ARSG: variants seen among roughly 807,000 people sequenced by gnomAD.
The protein encoded by ARSG is arylsulfatase G.
ARSG carries 37 observed loss-of-function variants against 50.5 expected under a neutral mutation model. That is an observed-to-expected ratio of 0.73 (90% CI 0.56 to 0.96). The LOEUF (loss-of-function observed/expected upper bound fraction) is 0.96. Ranked by LOEUF, ARSG falls within the 50% of genes least tolerant of loss-of-function variation. ARSG has a pLI of 0.00. For missense variants in ARSG, 629 were observed against 675.3 expected, an observed-to-expected ratio of 0.93 and a Z score of 0.76; for synonymous variants, 225 against 254.6, an observed-to-expected ratio of 0.88 and a Z score of 1.11.
At chr17:68,296,031 C>G (rs2076194559) in intron 1 of ARSG, among the ~76,000 whole-genome samples, 1 of 152,086 alleles carries the variant, frequency 6.6e-6, no homozygotes, top group Non-Finnish European at 1.5e-5. Flanking sequence ...GCTGTCACAC[C>G]ACTGCACTTC....
chr17:68,374,938 T>C (rs912413358), intron 8 of ARSG, among the ~76,000 whole-genome samples: 3 of 152,118 alleles, frequency 2.0e-5, no homozygotes, highest in Non-Finnish European at 4.4e-5. Flanking sequence ...TTTCCTTCCT[T>C]CCTCCTGTAA....
rs543363989 is a variant in ARSG at position 68,284,485 on chromosome 17, C to T, written c.-551-22458C>T. On this transcript the variant is annotated intron_variant, in intron 1 of 11. Transcript: ENST00000448504. ...CAGGTGAATTTTCAGGGTCAGGGTG[C>T]ATTATATCCTTTATATCCTTTTCCT... 1.0e-3 allele frequency among the ~76,000 whole-genome samples: 158 copies of T among 152,216 alleles called. 1 individual carries two copies. The highest frequency in any genetic ancestry group is 3.7e-3 in the African/African-American group (153 of 41,534).
At position 68,343,667 on chromosome 17, in the gene ARSG, C is replaced by G; in HGVS notation, c.282C>G (p.Gly94=). The G allele has an allele frequency of 6.2e-7, 1 of 1,614,092 alleles. No homozygotes were observed. The highest frequency in any genetic ancestry group is 2.2e-5 in the East Asian group (1 of 44,884). The change falls in exon 3 of 12, where the codon GGC becomes GGG. Residue 94 remains glycine, a synonymous_variant. Coordinates refer to ENST00000621439, the MANE Select transcript of ARSG (RefSeq NM_001267727.2). ...CSPSRASLLT[G]RLGLRNGVTR... ...CCTCCCGGGCTTCCTTGCTCACCGGCCGGCTTGGCCTTCGCAATGGAGTCA... is the reference window on the plus strand; with the variant it reads ...CCTCCCGGGCTTCCTTGCTCACCGGGCGGCTTGGCCTTCGCAATGGAGTCA...
intron 1 of ARSG, among the ~76,000 whole-genome samples, chr17:68,285,014 A>C (rs961066450): frequency 2.0e-5 from 3 of 152,222 alleles, no homozygotes; most frequent in Admixed American, 6.5e-5. Context: ...CCTCGCTTTC[A>C]CTATAGGGGC....
chr17:68,261,131 C>A (rs2075066166), intron 1 of ARSG, among the ~76,000 whole-genome samples: 1 of 152,180 alleles, frequency 6.6e-6, no homozygotes, highest in Non-Finnish European at 1.5e-5. Context: ...TTCGTAGCAG[C>A]ACAGACTCTC....
chr17:68,311,827 G>A (rs1399090047), intron 2 of ARSG, among the ~76,000 whole-genome samples: 1 of 140,530 alleles, frequency 7.1e-6, no homozygotes, highest in African/African-American at 2.6e-5. Context: ...TTTTGACGGA[G>A]TCTTGCTCTG....
intron 1 of ARSG, among the ~76,000 whole-genome samples, chr17:68,284,103 C>CAAAAA (rs1189737736): frequency 1.8e-5 from 1 of 56,518 alleles, no homozygotes; most frequent in African/African-American, 6.4e-5. Context: ...GACTCTGTCT[C>CAAAAA]AAAAAAAAAA....
chr17:68,354,230 G>A (rs538773744), intron 5 of ARSG, among the ~76,000 whole-genome samples: 1 of 151,220 alleles, frequency 6.6e-6, no homozygotes, highest in Non-Finnish European at 1.5e-5. Flanking sequence ...AGATCAGCTT[G>A]GTCAACACAA....
intron 1 of ARSG, among the ~76,000 whole-genome samples, chr17:68,292,859 G>T (rs1599589675): frequency 6.6e-6 from 1 of 152,318 alleles, no homozygotes; most frequent in Admixed American, 6.5e-5. Flanking sequence ...CCGCTGAGCA[G>T]CTTTGCAACC....
intron 1 of ARSG, among the ~76,000 whole-genome samples, chr17:68,301,809 T>C (rs2076427847): frequency 6.6e-6 from 1 of 152,048 alleles, no homozygotes; most frequent in Non-Finnish European, 1.5e-5. Context: ...GACCTCAGCC[T>C]TTCCCAGTTT....
chr17:68,384,324 C>T (rs1292232625), intron 8 of ARSG, among the ~76,000 whole-genome samples: 1 of 152,154 alleles, frequency 6.6e-6, no homozygotes, highest in Non-Finnish European at 1.5e-5. Context: ...TCATGTCTTC[C>T]AGCCCGCTAG....
At chr17:68,310,958 T>C (rs1211785706) in intron 2 of ARSG, among the ~76,000 whole-genome samples, 2 of 152,150 alleles carry the variant, frequency 1.3e-5, no homozygotes, top group Admixed American at 6.5e-5. Flanking sequence ...TCCAGCACTT[T>C]AGGAGGCCAA....
intron 1 of ARSG, among the ~76,000 whole-genome samples, chr17:68,283,497 G>A (rs1230638177): frequency 1.3e-5 from 2 of 150,316 alleles, no homozygotes; most frequent in African/African-American, 4.9e-5. Context: ...CTCCAGCCTG[G>A]GCGACAGAGT....
At chr17:68,275,126 C>T (rs2075471710) in intron 1 of ARSG, among the ~76,000 whole-genome samples, 1 of 152,222 alleles carries the variant, frequency 6.6e-6, no homozygotes, top group Admixed American at 6.5e-5. Context: ...CTAAGTTATG[C>T]ACTCCTGAAG....
Position 68,273,762 on chromosome 17 carries a change from G to T in ARSG, c.-552+14336G>T, listed in dbSNP as rs562170015. 9.7e-5 allele frequency: 67 copies of T among 690,800 alleles called. 1 individual carries two copies. In the East Asian group the frequency reaches 1.8e-3, roughly 19 times the overall value. The allele number at this position is 690,800 out of a possible 1,614,324, so 42.8% of individuals were successfully genotyped here. On this transcript the variant is annotated intron_variant, in intron 1 of 11. Coordinates refer to the ARSG transcript ENST00000448504. Reference sequence around the variant, plus strand: ...TTGAGAACAGATTCCCAGGTCCCCTGAAGTCCATATAGCTCAGTTCAAAAC... The same window carrying T: ...TTGAGAACAGATTCCCAGGTCCCCTTAAGTCCATATAGCTCAGTTCAAAAC...
the ARSG span, among the ~76,000 whole-genome samples, chr17:68,443,261 C>T: frequency 6.6e-6 from 1 of 152,122 alleles, no homozygotes; most frequent in Admixed American, 6.6e-5. Flanking sequence ...CAGGCACTCG[C>T]CACCATGCTC....
At chr17:68,364,480 T>G (rs925771586) in intron 6 of ARSG, among the ~76,000 whole-genome samples, 1 of 152,058 alleles carries the variant, frequency 6.6e-6, no homozygotes, top group Non-Finnish European at 1.5e-5. Flanking sequence ...TTCAAGCCAT[T>G]CTCTTGCTGG....
intron 2 of ARSG, among the ~76,000 whole-genome samples, chr17:68,321,752 G>A (rs999301259): frequency 2.0e-5 from 3 of 152,230 alleles, no homozygotes; most frequent in South Asian, 2.1e-4. Context: ...CTTAATTTGC[G>A]TTGATTTTCT....
At chr17:68,291,914 G>A (rs1014064618) in intron 1 of ARSG, among the ~76,000 whole-genome samples, 4 of 151,856 alleles carry the variant, frequency 2.6e-5, no homozygotes, top group Non-Finnish European at 5.9e-5. Flanking sequence ...CGCGGCGCTC[G>A]CGGCTGCGGC....
Sources: gnomAD v4.1 joint callset for allele counts (sites outside exome capture counted in the v4.1 genomes callset) on GRCh38, gnomAD v4.1.1 for gene constraint, MANE v1.5 for transcripts, NCBI Gene and HGNC (gene_info 2026-07-23, HGNC 2026-07-21) for gene names.